GPC5: variants seen among roughly 807,000 people sequenced by gnomAD.
GPC5 encodes the protein glypican 5.
A neutral mutation model predicts 53.9 loss-of-function variants in GPC5; 47 were observed. The ratio of observed to expected loss-of-function variants is 0.87; its 90% CI spans 0.69 to 1.11. The LOEUF is 1.11. Among genes scored for constraint, GPC5 ranks in the 50% most tolerant of loss-of-function variants. GPC5 has a pLI of 0.00. For synonymous variants in GPC5, 286 were observed against 263.3 expected, an observed-to-expected ratio of 1.09 and a Z score of -0.84; for missense variants, 748 against 713.1, an observed-to-expected ratio of 1.05 and a Z score of -0.56.
At chr13:92,260,737 A>G (rs145926726) in intron 7 of GPC5, among the ~76,000 whole-genome samples, 5 of 152,274 alleles carry the variant, frequency 3.3e-5, no homozygotes, top group Admixed American at 3.3e-4. Context: ...TCACTTGTTT[A>G]TAGCATTCTT....
At chr13:92,818,524 A>C (rs1877562032) in intron 7 of GPC5, among the ~76,000 whole-genome samples, 1 of 151,944 alleles carries the variant, frequency 6.6e-6, no homozygotes. Flanking sequence ...GAGATGAATA[A>C]TCTGATTGTT....
rs9560973 is a variant in GPC5 at position 92,198,536 on chromosome 13, A to G, written c.1561+53547A>G. Among the ~76,000 whole-genome samples, 1,258 of 152,298 alleles carry G rather than the reference A, an allele frequency of 8.3e-3. 14 individuals are homozygous for G. The highest frequency in any genetic ancestry group is 0.044 in the South Asian group (213 of 4,822). On this transcript the variant is annotated intron_variant, in intron 7 of 7. Transcript: ENST00000377067. ...AATATTATTCTTGCTTCCATCATGA[A>G]TGTGGATTAATGTGGACTGATGTGG...
chr13:92,737,769 T>TC (rs968824086), intron 7 of GPC5, among the ~76,000 whole-genome samples: 3 of 139,978 alleles, frequency 2.1e-5, no homozygotes, highest in Admixed American at 1.4e-4. Context: ...TCTTTTTCTT[T>TC]TTTTTTTTTT....
At chr13:92,585,017 G>A (rs1883492847) in intron 7 of GPC5, among the ~76,000 whole-genome samples, 1 of 152,116 alleles carries the variant, frequency 6.6e-6, no homozygotes, top group African/African-American at 2.4e-5. Flanking sequence ...CTGGTGGAGG[G>A]GGTAAGGGGG....
At chr13:91,883,696 T>C (rs933639973) in intron 5 of GPC5, among the ~76,000 whole-genome samples, 1 of 152,174 alleles carries the variant, frequency 6.6e-6, no homozygotes, top group South Asian at 2.1e-4. Flanking sequence ...AAAGACAGAT[T>C]ATGGAACGAG....
chr13:92,725,843 AC>A (rs1566387030), intron 7 of GPC5, among the ~76,000 whole-genome samples: 1 of 151,510 alleles, frequency 6.6e-6, no homozygotes, highest in Non-Finnish European at 1.5e-5. Flanking sequence ...TCCTAATATA[AC>A]CTGAAAGTAG....
chr13:92,703,214 C>T (rs1445997092), intron 7 of GPC5, among the ~76,000 whole-genome samples: 1 of 151,660 alleles, frequency 6.6e-6, no homozygotes, highest in Non-Finnish European at 1.5e-5. Context: ...ACAATAATAC[C>T]TGACATGCAA....
intron 7 of GPC5, among the ~76,000 whole-genome samples, chr13:92,471,998 G>T (rs1032657970): frequency 6.6e-6 from 1 of 152,100 alleles, no homozygotes; most frequent in African/African-American, 2.4e-5. Context: ...TAGATTCCAG[G>T]TAATTTGGAC....
At chr13:92,228,142 A>G (rs887180471) in intron 7 of GPC5, among the ~76,000 whole-genome samples, 2 of 150,840 alleles carry the variant, frequency 1.3e-5, no homozygotes, top group Non-Finnish European at 2.9e-5. Context: ...CAGAGGCATA[A>G]GAGATGGAGA....
intron 1 of GPC5, among the ~76,000 whole-genome samples, chr13:91,435,812 G>T (rs183645783): frequency 1.3e-3 from 203 of 152,258 alleles, no homozygotes; most frequent in African/African-American, 4.5e-3. Flanking sequence ...GAATCCATCT[G>T]GTCCTGGACT....
intron 2 of GPC5, among the ~76,000 whole-genome samples, chr13:91,585,717 G>A (rs1374654387): frequency 1.3e-5 from 2 of 152,116 alleles, no homozygotes. Flanking sequence ...TGTCTGAACT[G>A]TCCACTGCTT....
chr13:92,440,241 C>A (rs1031246739), intron 7 of GPC5, among the ~76,000 whole-genome samples: 57 of 152,182 alleles, frequency 3.7e-4, no homozygotes, highest in Non-Finnish European at 4.4e-5. Flanking sequence ...TTTTTCAACA[C>A]TTTACCCCTC....
intron 1 of GPC5, among the ~76,000 whole-genome samples, chr13:91,426,498 G>C (rs369343769): frequency 6.6e-6 from 1 of 152,204 alleles, no homozygotes; most frequent in Admixed American, 6.5e-5. Flanking sequence ...AAACTGAGGA[G>C]CCAGGAAGCC....
rs182897012 is a variant in GPC5 at position 92,262,776 on chromosome 13, A to C, written c.1561+117787A>C. 2.0e-3 allele frequency among the ~76,000 whole-genome samples: 312 copies of C among 152,312 alleles called. 2 individuals carry two copies. The highest frequency in any genetic ancestry group is 7.3e-3 in the African/African-American group (302 of 41,580). Reference sequence around the variant, plus strand: ...CAATATATAACTTCAAGTTAAAAGTAATGTAAATATGCTTCTTGCAAAGTC... The same window carrying C: ...CAATATATAACTTCAAGTTAAAAGTCATGTAAATATGCTTCTTGCAAAGTC... On this transcript the variant is annotated intron_variant, in intron 7 of 7. Transcript: ENST00000377067.
intron 7 of GPC5, among the ~76,000 whole-genome samples, chr13:92,520,895 C>A (rs186381293): frequency 1.2e-3 from 178 of 152,250 alleles, no homozygotes; most frequent in African/African-American, 4.2e-3. Flanking sequence ...TCATCTCAAC[C>A]CAAAATCTCC....
intron 7 of GPC5, among the ~76,000 whole-genome samples, chr13:92,672,319 A>G (rs1231721359): frequency 6.6e-6 from 1 of 152,238 alleles, no homozygotes; most frequent in Non-Finnish European, 1.5e-5. Flanking sequence ...AATACAAATC[A>G]AGACCACAGT....
chr13:92,438,783 G>C (rs1347831015), intron 7 of GPC5, among the ~76,000 whole-genome samples: 1 of 152,000 alleles, frequency 6.6e-6, no homozygotes, highest in East Asian at 1.9e-4. Flanking sequence ...TAGTTAAATA[G>C]GTATAGGTGT....
At chr13:92,298,478 A>G (rs1257950722) in intron 7 of GPC5, among the ~76,000 whole-genome samples, 4 of 152,188 alleles carry the variant, frequency 2.6e-5, no homozygotes, top group Non-Finnish European at 5.9e-5. Context: ...TAGGGGACTC[A>G]GCAAGCCCGC....
intron 7 of GPC5, among the ~76,000 whole-genome samples, chr13:92,350,889 A>AATT (rs1441588254): frequency 5.3e-5 from 8 of 152,156 alleles, no homozygotes; most frequent in African/African-American, 1.9e-4. Context: ...AAGGAATAAA[A>AATT]ATATAGATAT....
Sources: gnomAD v4.1 joint callset for allele counts (sites outside exome capture counted in the v4.1 genomes callset) on GRCh38, gnomAD v4.1.1 for gene constraint, MANE v1.5 for transcripts, NCBI Gene and HGNC (gene_info 2026-07-23, HGNC 2026-07-21) for gene names.